Variants in FARS2 observed in about 807,000 individuals in gnomAD.
The protein encoded by FARS2 is phenylalanyl-tRNA synthetase 2, mitochondrial.
In FARS2, 40 loss-of-function variants were observed where a neutral mutation model predicts 46.4. The observed-to-expected ratio is 0.86, with a 90% CI of 0.67 to 1.12. The LOEUF (loss-of-function observed/expected upper bound fraction) is 1.12, where lower values mean the gene tolerates loss of function less well. FARS2 is among the 50% of genes most tolerant of loss of function. FARS2 has a pLI of 0.00. For missense variants in FARS2, 513 were observed against 567.9 expected (o/e 0.90, Z 0.98); for synonymous variants, 234 against 214.9 (o/e 1.09, Z -0.78).
intron 4 of FARS2, among the ~76,000 whole-genome samples, chr6:5,465,976 A>T (rs981461002): frequency 6.6e-6 from 1 of 152,140 alleles, no homozygotes; most frequent in African/African-American, 2.4e-5. Context: ...TATTTTTAAC[A>T]TACCTCAATA....
intron 5 of FARS2, among the ~76,000 whole-genome samples, chr6:5,607,285 ATG>A (rs200898031): frequency 0.017 from 1,279 of 74,926 alleles, 8 homozygotes; most frequent in East Asian, 0.029. Context: ...AATAATATGT[ATG>A]TGTGTGTGTG....
intron 3 of FARS2, among the ~76,000 whole-genome samples, chr6:5,409,926 G>A (rs1222483403): frequency 6.6e-6 from 1 of 152,144 alleles, no homozygotes; most frequent in Non-Finnish European, 1.5e-5. Context: ...TGCCGTGTTT[G>A]TGACGTCCGC....
At chr6:5,516,786 T>A (rs1582328146) in intron 4 of FARS2, among the ~76,000 whole-genome samples, 2 of 152,234 alleles carry the variant, frequency 1.3e-5, no homozygotes, top group East Asian at 3.8e-4. Context: ...CATTTTTTAA[T>A]TAACCAAGGA....
chr6:5,612,101 G>T (rs1240263446), intron 5 of FARS2, among the ~76,000 whole-genome samples: 1 of 151,420 alleles, frequency 6.6e-6, no homozygotes, highest in South Asian at 2.1e-4. Flanking sequence ...GCACCCGGAT[G>T]CTAACTATCG....
chr6:5,589,387 T>C (rs888408845), intron 5 of FARS2, among the ~76,000 whole-genome samples: 1 of 152,240 alleles, frequency 6.6e-6, no homozygotes, highest in African/African-American at 2.4e-5. Context: ...TTAGTATTCA[T>C]GTGGCAGGAT....
intron 4 of FARS2, among the ~76,000 whole-genome samples, chr6:5,514,172 C>T (rs1768642047): frequency 6.6e-6 from 1 of 151,766 alleles, no homozygotes; most frequent in Non-Finnish European, 1.5e-5. Flanking sequence ...GTGTGTATTA[C>T]AGATTCACAA....
At chr6:5,649,512 G>A (rs116795389) in intron 6 of FARS2, among the ~76,000 whole-genome samples, 1 of 152,160 alleles carries the variant, frequency 6.6e-6, no homozygotes, top group Non-Finnish European at 1.5e-5. Context: ...AGGCTGCTGG[G>A]GGCTTCATTC....
Position 5,421,013 on chromosome 6 carries a change from C to T in FARS2, c.773-10028C>T, listed in dbSNP as rs578195018. Reference sequence around the variant, plus strand: ...AGGGATTCTGTGTGGGGGCTCCTACCCAAAATTTCCCTTCTGCACTGCCCT... The same window carrying T: ...AGGGATTCTGTGTGGGGGCTCCTACTCAAAATTTCCCTTCTGCACTGCCCT... On this transcript the variant is annotated intron_variant, in intron 3 of 6. Coordinates refer to ENST00000274680, the MANE Select transcript of FARS2 (RefSeq NM_006567.5). Among the ~76,000 whole-genome samples the T allele has an allele frequency of 1.6e-3, 240 of 152,212 alleles. 1 individual carries two copies. Among genetic ancestry groups the T allele is most frequent in the African/African-American group, 5.5e-3 (228 of 41,532 alleles).
chr6:5,312,743 T>G (rs1343710050), intron 1 of FARS2, among the ~76,000 whole-genome samples: 1 of 152,238 alleles, frequency 6.6e-6, no homozygotes, highest in African/African-American at 2.4e-5. Flanking sequence ...AATAAGAATT[T>G]GAGTGCCCAG....
At chr6:5,724,237 C>T (rs986902248) in intron 6 of FARS2, among the ~76,000 whole-genome samples, 4 of 152,212 alleles carry the variant, frequency 2.6e-5, no homozygotes, top group African/African-American at 7.2e-5. Context: ...GGGCAACCAC[C>T]GGTGCCCTCC....
At chr6:5,315,950 G>C (rs1010922627) in intron 1 of FARS2, among the ~76,000 whole-genome samples, 4 of 152,226 alleles carry the variant, frequency 2.6e-5, no homozygotes, top group African/African-American at 9.6e-5. Flanking sequence ...GCGTGAGGAA[G>C]GGAGAAGCAC....
chr6:5,702,804 C>T (rs1758523490), intron 6 of FARS2, among the ~76,000 whole-genome samples: 1 of 152,162 alleles, frequency 6.6e-6, no homozygotes, highest in East Asian at 1.9e-4. Flanking sequence ...TTCATGCCCC[C>T]AAACATTTAG....
intron 1 of FARS2, among the ~76,000 whole-genome samples, chr6:5,307,311 CTCT>C (rs1768778773): frequency 6.6e-6 from 1 of 152,090 alleles, no homozygotes; most frequent in Admixed American, 6.5e-5. Context: ...GAGGCCAGGC[CTCT>C]TCTTTCATTT....
chr6:5,504,946 A>ATGTG (rs1768020241), intron 4 of FARS2, among the ~76,000 whole-genome samples: 1 of 152,130 alleles, frequency 6.6e-6, no homozygotes. Flanking sequence ...GGGACCACAG[A>ATGTG]TGCAAGCCAT....
At chr6:5,523,496 C>T (rs989824847) in intron 4 of FARS2, among the ~76,000 whole-genome samples, 1 of 151,722 alleles carries the variant, frequency 6.6e-6, no homozygotes, top group African/African-American at 2.4e-5. Context: ...ATTGGAAGCC[C>T]GGGCATGGGC....
At chr6:5,380,366 G>A (rs541586550) in intron 2 of FARS2, among the ~76,000 whole-genome samples, 4 of 152,126 alleles carry the variant, frequency 2.6e-5, no homozygotes, top group Non-Finnish European at 2.9e-5. Flanking sequence ...AGTTAGAGAC[G>A]GTGTTTTTTT....
chr6:5,367,168 T>A (rs1758737815), intron 1 of FARS2, among the ~76,000 whole-genome samples: 1 of 152,240 alleles, frequency 6.6e-6, no homozygotes, highest in African/African-American at 2.4e-5. Context: ...GTGGATTGTG[T>A]TGTCCAGGGA....
At chr6:5,652,792 A>G (rs775567209) in intron 6 of FARS2, among the ~76,000 whole-genome samples, 2 of 152,234 alleles carry the variant, frequency 1.3e-5, no homozygotes, top group African/African-American at 2.4e-5. Context: ...GGGAAGGGAC[A>G]GTGACAGTGT....
chr6:5,707,279 C>T (rs1419178778), intron 6 of FARS2, among the ~76,000 whole-genome samples: 1 of 152,196 alleles, frequency 6.6e-6, no homozygotes, highest in Non-Finnish European at 1.5e-5. Flanking sequence ...TGAGGACCAA[C>T]CATTATTCCA....
Sources: gnomAD v4.1 joint callset for allele counts (sites outside exome capture counted in the v4.1 genomes callset) on GRCh38, gnomAD v4.1.1 for gene constraint, MANE v1.5 for transcripts, NCBI Gene and HGNC (gene_info 2026-07-23, HGNC 2026-07-21) for gene names.